ATP2C2: variants seen among roughly 807,000 people sequenced by gnomAD.
ATP2C2 encodes ATPase secretory pathway Ca2+ transporting 2.
Under a neutral mutation model 110.8 loss-of-function variants are expected in ATP2C2, and 171 were observed. The observed-to-expected ratio is 1.54, with a 90% CI of 1.36 to 1.75. The LOEUF (loss-of-function observed/expected upper bound fraction) is 1.75, where lower values mean the gene tolerates loss of function less well. Among genes scored for constraint, ATP2C2 ranks in the 40% most tolerant of loss-of-function variants. ATP2C2 has a pLI of 0.00. For synonymous variants in ATP2C2, 804 were observed against 508.4 expected (o/e 1.58, Z -7.82); for missense variants, 1,963 against 1,235.0 (o/e 1.59, Z -8.84).
intron 1 of ATP2C2, among the ~76,000 whole-genome samples, chr16:84,369,884 T>C (rs1214796774): frequency 6.6e-6 from 1 of 152,248 alleles, no homozygotes; most frequent in East Asian, 1.9e-4. Flanking sequence ...GCAATCTCGA[T>C]TTTTCTGAAG....
At chr16:84,425,492 CTGAT>C (rs1203847306) in intron 10 of ATP2C2, among the ~76,000 whole-genome samples, 1 of 152,142 alleles carries the variant, frequency 6.6e-6, no homozygotes, top group Non-Finnish European at 1.5e-5. Context: ...CCAAAATAGA[CTGAT>C]TGAGCCTTTT....
At chr16:84,433,272 A>G (rs1404108210) in intron 11 of ATP2C2, among the ~76,000 whole-genome samples, 2 of 152,046 alleles carry the variant, frequency 1.3e-5, no homozygotes, top group Non-Finnish European at 2.9e-5. Context: ...AGCCCCAGCT[A>G]CTTGGGAGGC....
intron 13 of ATP2C2, 24 bp from the exon 14 acceptor site, chr16:84,440,833 C>T: frequency 6.3e-7 from 1 of 1,586,568 alleles, no homozygotes; most frequent in Non-Finnish European, 8.6e-7. Flanking sequence ...TTGGCGAAAC[C>T]CTTTCTTCTG....
intron 1 of ATP2C2, among the ~76,000 whole-genome samples, chr16:84,388,121 C>G (rs1290291854): frequency 1.3e-5 from 2 of 152,036 alleles, no homozygotes; most frequent in Non-Finnish European, 2.9e-5. Context: ...CACCTGAGGT[C>G]AGGAGACCAG....
intron 11 of ATP2C2, among the ~76,000 whole-genome samples, chr16:84,427,958 T>C (rs1421437457): frequency 1.3e-5 from 2 of 152,198 alleles, no homozygotes; most frequent in Non-Finnish European, 2.9e-5. Context: ...TATATATCAA[T>C]AGAGAAACCA....
At chr16:84,463,163 G>C (rs1278434632) in intron 26 of ATP2C2, among the ~76,000 whole-genome samples, 1 of 151,516 alleles carries the variant, frequency 6.6e-6, no homozygotes, top group Non-Finnish European at 1.5e-5. Context: ...AAAACAGCAT[G>C]TGACAGGAGC....
chr16:84,401,295 C>G (rs973407761), intron 2 of ATP2C2, among the ~76,000 whole-genome samples: 1 of 146,238 alleles, frequency 6.8e-6, no homozygotes, highest in African/African-American at 2.5e-5. Flanking sequence ...GCTATCTCAG[C>G]TCACTGCAAC....
intron 13 of ATP2C2, among the ~76,000 whole-genome samples, chr16:84,440,206 C>T (rs1002625797): frequency 6.6e-5 from 10 of 152,254 alleles, no homozygotes; most frequent in Non-Finnish European, 1.0e-4. Flanking sequence ...AATCATGGCT[C>T]ACTGCAGCCT....
Position 84,451,960 on chromosome 16 carries a change from C to A in ATP2C2, c.1700C>A (p.Thr567Lys), listed in dbSNP as rs763173008. 27 of 1,613,904 alleles carry A rather than the reference C, an allele frequency of 1.7e-5. No homozygotes were observed. ...TCTGGGCCCGAGCTGGGGCGGCTGA[C>A]GTTTCTCGGTCTTGTGGGCATCATT... The part of the protein sequence containing the change: ...LASGPELGRL[T>K]FLGLVGIIDP... Residue 567 changes from threonine (T) to lysine (K), a missense_variant, in exon 18 of 27, where the codon ACG becomes AAG. Physicochemically the swap from Thr to Lys is moderately conservative, Grantham distance 78. Transcript: ENST00000262429.
intron 7 of ATP2C2, among the ~76,000 whole-genome samples, 167 bp downstream of exon 7, chr16:84,415,758 G>T (rs1259754390): frequency 2.0e-5 from 3 of 152,184 alleles, no homozygotes; most frequent in Non-Finnish European, 4.4e-5. Context: ...CGTGTTCTAC[G>T]CATAGAGCCC....
chr16:84,443,173 G>C (rs930950577), intron 15 of ATP2C2, among the ~76,000 whole-genome samples: 6 of 152,148 alleles, frequency 3.9e-5, no homozygotes, highest in African/African-American at 7.2e-5. Flanking sequence ...CATGGGCTGG[G>C]AATGCAGGTG....
At position 84,453,229 on chromosome 16, in the gene ATP2C2, G is replaced by A; in HGVS notation, c.1923G>A (p.Val641=). The A allele has an allele frequency of 6.2e-7, 1 of 1,614,084 alleles. No homozygotes were observed. The highest frequency in any genetic ancestry group is 1.1e-5 in the South Asian group (1 of 91,070). The change falls in exon 19 of 27, where the codon GTG becomes GTA. Residue 641 remains valine, a synonymous_variant. Coordinates refer to ENST00000262429, the MANE Select transcript of ATP2C2 (RefSeq NM_014861.4). The stretch of plus-strand genomic sequence containing the variant: ...AGAAGGGCGAGCTGGCCGACCGCGT[G>A]GGGAAGGTGGGTCCCCGGAGGCTTG... ...SVEKGELADR[V]GKVSVFFRTS... is the part of the protein sequence containing the mutation.
At chr16:84,420,407 C>G (rs1907222159) in intron 7 of ATP2C2, among the ~76,000 whole-genome samples, 2 of 151,984 alleles carry the variant, frequency 1.3e-5, no homozygotes, top group African/African-American at 4.8e-5. Flanking sequence ...CCTTCTCCTC[C>G]TTCCTCCTTC....
At chr16:84,429,315 C>G (rs1908059537) in intron 11 of ATP2C2, among the ~76,000 whole-genome samples, 1 of 152,074 alleles carries the variant, frequency 6.6e-6, no homozygotes, top group Non-Finnish European at 1.5e-5. Flanking sequence ...CCACACCCAG[C>G]TAATTTTTTA....
At chr16:84,405,367 C>A (rs1288682733) in intron 3 of ATP2C2, 123 bp downstream of exon 3, 2 of 788,268 alleles carry the variant, frequency 2.5e-6, no homozygotes, top group South Asian at 1.7e-5. Flanking sequence ...TTCACGCTGC[C>A]CCAGCCAGCC....
chr16:84,450,344 G>A (rs559970335), intron 17 of ATP2C2, among the ~76,000 whole-genome samples: 10 of 152,230 alleles, frequency 6.6e-5, no homozygotes, highest in Non-Finnish European at 8.8e-5. Context: ...GACAGTGCCC[G>A]AGTGACTTAG....
chr16:84,423,193 T>A lies in ATP2C2; in HGVS notation c.849T>A (p.Pro283=). Residue 283 remains proline, a synonymous_variant, in exon 10 of 27, where the codon CCT becomes CCA. Transcript: ENST00000262429. ...VFKMMQAEET[P]KTPLQKSMDR... ...CATTGTGCTCACCCTTTCAGACACCTAAAACTCCTTTGCAGAAAAGCATGG... is the reference window on the plus strand; with the variant it reads ...CATTGTGCTCACCCTTTCAGACACCAAAAACTCCTTTGCAGAAAAGCATGG... 6.2e-7 allele frequency: 1 copy of A among 1,614,028 alleles called. No homozygotes were observed. Among genetic ancestry groups the A allele is most frequent in the Non-Finnish European group, 8.5e-7 (1 of 1,179,936 alleles).
At chr16:84,375,192 G>T (rs1376993905) in intron 1 of ATP2C2, among the ~76,000 whole-genome samples, 1 of 152,234 alleles carries the variant, frequency 6.6e-6, no homozygotes, top group Non-Finnish European at 1.5e-5. Context: ...AGATGCTGTA[G>T]AAGCATATGT....
At chr16:84,442,269 C>T (rs890483187) in intron 14 of ATP2C2, among the ~76,000 whole-genome samples, 1 of 152,176 alleles carries the variant, frequency 6.6e-6, no homozygotes, top group East Asian at 1.9e-4. Context: ...ACCCCACACT[C>T]GTCACCACCC....
Sources: gnomAD v4.1 joint callset for allele counts (sites outside exome capture counted in the v4.1 genomes callset) on GRCh38, gnomAD v4.1.1 for gene constraint, MANE v1.5 for transcripts, NCBI Gene and HGNC (gene_info 2026-07-23, HGNC 2026-07-21) for gene names.